SORL1: variants seen among roughly 807,000 people sequenced by gnomAD.
The protein encoded by SORL1 is sortilin related receptor 1.
A neutral mutation model predicts 273.7 loss-of-function variants in SORL1; 127 were observed. The observed-to-expected ratio is 0.46, with a 90% CI of 0.40 to 0.54. SORL1 has a LOEUF of 0.54. Ranked by LOEUF, SORL1 falls within the 20% of genes least tolerant of loss-of-function variation. The probability of loss-of-function intolerance (pLI) is 0.00; values close to 1 mark genes in which losing one functional copy is unlikely to be tolerated. For synonymous variants in SORL1, 1,031 were observed against 1,067.4 expected, an observed-to-expected ratio of 0.97 and a Z score of 0.66; for missense variants, 2,494 against 2,846.1, an observed-to-expected ratio of 0.88 and a Z score of 2.81.
intron 6 of SORL1, among the ~76,000 whole-genome samples, chr11:121,500,495 T>G (rs1366779690): frequency 6.6e-6 from 1 of 152,242 alleles, no homozygotes; most frequent in Non-Finnish European, 1.5e-5. Flanking sequence ...GAAGTTTTAC[T>G]GGGACACAGC....
chr11:121,476,291 GC>G (rs763244532), intron 2 of SORL1, among the ~76,000 whole-genome samples: 52 of 152,206 alleles, frequency 3.4e-4, no homozygotes, highest in Non-Finnish European at 2.5e-4. Flanking sequence ...CTCTCAGCCT[GC>G]ACAATTTCTG....
chr11:121,540,037 A>G (rs1372751276), intron 12 of SORL1, among the ~76,000 whole-genome samples: 4 of 152,258 alleles, frequency 2.6e-5, no homozygotes, highest in South Asian at 2.1e-4. Flanking sequence ...TACTATTCCA[A>G]CAGACTACTG....
At position 121,625,113 on chromosome 11, in the gene SORL1, C is replaced by T. The variant is rs1176608454; in HGVS notation, c.6200C>T (p.Ala2067Val). Residue 2067 changes from alanine (A) to valine (V), a missense_variant, in exon 46 of 48, where the codon GCC (alanine) becomes GTC (valine). Physicochemically the swap from Ala to Val is moderately conservative, Grantham distance 64. This residue lies in a region of SORL1 where 1,609 missense variants were observed against 1,816.4 expected (regional missense o/e 0.89). Coordinates refer to ENST00000260197, the MANE Select transcript of SORL1 (RefSeq NM_003105.6). ...TATGAGATACACATGTTTGATAGTG[C>T]CATGAATATCACAGCTTACCTTGGG... ...RGYEIHMFDS[A>V]MNITAYLGNT... 3 of 1,612,566 alleles carry T rather than the reference C, an allele frequency of 1.9e-6. No individual in the cohort carries two copies. In the South Asian group the frequency reaches 3.3e-5, roughly 18 times the overall value.
chr11:121,596,602 C>T lies in SORL1; in HGVS notation c.4519+830C>T, dbSNP rs1360207475. 1.3e-5 allele frequency among the ~76,000 whole-genome samples: 2 copies of T among 152,148 alleles called. No homozygotes were observed. Among genetic ancestry groups the T allele is most frequent in the Non-Finnish European group, 2.9e-5 (2 of 68,022 alleles). ...GGCTCGGGGATCCCTGCTTTGCGGG[C>T]CTCCCCTCCATCCAGTCTCCTGCTG... On this transcript the variant is annotated intron_variant, in intron 32 of 47. Transcript: ENST00000260197. The surrounding 1 kb of genome is among the most constrained non-coding windows in gnomAD (Gnocchi z 4.3).
intron 31 of SORL1, among the ~76,000 whole-genome samples, chr11:121,593,956 G>C (rs1863253900): frequency 6.6e-6 from 1 of 152,180 alleles, no homozygotes; most frequent in African/African-American, 2.4e-5. Context: ...GTGAGGTCTT[G>C]CTTGTCTTAA....
At chr11:121,507,226 C>G (rs1048567632) in intron 6 of SORL1, among the ~76,000 whole-genome samples, 1 of 152,132 alleles carries the variant, frequency 6.6e-6, no homozygotes, top group Non-Finnish European at 1.5e-5. Context: ...TTATCTTTGG[C>G]TTTCAGCAGT....
intron 24 of SORL1, 166 bp from the exon 25 acceptor site, chr11:121,577,115 C>A: frequency 1.8e-6 from 2 of 1,092,334 alleles, no homozygotes; most frequent in Non-Finnish European, 2.7e-6. Flanking sequence ...TGACTGGAAG[C>A]TGTTAAATGA....
intron 12 of SORL1, among the ~76,000 whole-genome samples, chr11:121,543,220 T>A (rs1372776924): frequency 1.3e-5 from 2 of 151,284 alleles, no homozygotes; most frequent in Non-Finnish European, 3.0e-5. Flanking sequence ...AAGAAAAAAA[T>A]TTCTCTTTTG....
chr11:121,471,901 G>T (rs1861175375), intron 2 of SORL1, among the ~76,000 whole-genome samples: 1 of 152,140 alleles, frequency 6.6e-6, no homozygotes, highest in Non-Finnish European at 1.5e-5. Context: ...GGCTAGACTT[G>T]TTTGGGGCAA....
chr11:121,520,413 G>GC (rs1227000300), intron 8 of SORL1, among the ~76,000 whole-genome samples: 2 of 152,196 alleles, frequency 1.3e-5, no homozygotes, highest in African/African-American at 4.8e-5. Flanking sequence ...AACACATGGA[G>GC]CAGATGAGTG....
chr11:121,558,600 C>G lies in SORL1; in HGVS notation c.2673C>G (p.Phe891Leu). ...TCCCCATTTTCGCTAGGGTGATGTT[C>G]TGGACAGACTGGGGAGACCTGAAGC... ...LVLVPQEGVMFWTDWGDLKPG... is the reference protein window; with the variant it reads ...LVLVPQEGVMLWTDWGDLKPG... Residue 891 changes from phenylalanine (F) to leucine (L), a missense_variant, in exon 20 of 48, where the codon TTC (phenylalanine) becomes TTG (leucine). Transcript: ENST00000260197. 1 of 1,614,076 alleles carries G rather than the reference C, an allele frequency of 6.2e-7. No homozygotes were observed. Among genetic ancestry groups the G allele is most frequent in the Non-Finnish European group, 8.5e-7 (1 of 1,179,998 alleles).
intron 1 of SORL1, among the ~76,000 whole-genome samples, chr11:121,457,636 C>T (rs1860928875): frequency 6.6e-6 from 1 of 151,982 alleles, no homozygotes; most frequent in Non-Finnish European, 1.5e-5. Context: ...TTTTTCCAGG[C>T]CAGGTGAGAA....
chr11:121,538,340 C>T (rs1215516460), intron 12 of SORL1, among the ~76,000 whole-genome samples: 1 of 152,138 alleles, frequency 6.6e-6, no homozygotes, highest in African/African-American at 2.4e-5. Flanking sequence ...CAGTGCTCTC[C>T]ACCCCCAAAC....
At chr11:121,618,105 G>C (rs2134943081) in intron 41 of SORL1, among the ~76,000 whole-genome samples, 1 of 152,308 alleles carries the variant, frequency 6.6e-6, no homozygotes, top group Non-Finnish European at 1.5e-5. Context: ...GTTGTAATGA[G>C]CCCTCCTAAA....
intron 30 of SORL1, 99 bp from the exon 31 acceptor site, chr11:121,590,902 A>T: frequency 7.5e-7 from 1 of 1,337,756 alleles, no homozygotes; most frequent in Non-Finnish European, 1.1e-6. Context: ...CAGCAGGTAC[A>T]GCTAAAACTG....
rs1863289400 is a variant in SORL1, at chr11:121,595,916, C to T, written c.4519+144C>T. ...AACCATGCTCTTACTGCATTCTCCA[C>T]AAGCGCTTTGCCACGTGCACCCATA... On this transcript the variant is annotated intron_variant, in intron 32 of 47. Transcript: ENST00000260197. This position sits in a 1 kb window ranked among gnomAD's most constrained non-coding sequence, Gnocchi z 5.1. 4 of 876,334 alleles carry T rather than the reference C, an allele frequency of 4.6e-6. No homozygotes were observed. Among genetic ancestry groups the T allele is most frequent in the Non-Finnish European group, 6.7e-6 (4 of 598,660 alleles). 54.3% of individuals were successfully genotyped at this position (876,334 alleles called of 1,614,324 possible). A position where few individuals can be genotyped will look rare whatever the true frequency, so the allele number is the denominator to read the frequency against.
intron 38 of SORL1, 35 bp downstream of exon 38, chr11:121,608,211 A>C (rs1390106056): frequency 5.2e-6 from 8 of 1,530,030 alleles, no homozygotes; most frequent in Non-Finnish European, 7.2e-6. Context: ...TTTAGAGAAA[A>C]TATTATACAA....
intron 1 of SORL1, among the ~76,000 whole-genome samples, chr11:121,453,755 G>A (rs1479754674): frequency 6.6e-6 from 1 of 152,244 alleles, no homozygotes; most frequent in Non-Finnish European, 1.5e-5. Context: ...TGTTGGTGAA[G>A]AAACTGAAGC....
chr11:121,615,180 T>C (rs1286158717), intron 41 of SORL1, 125 bp downstream of exon 41: 6 of 714,226 alleles, frequency 8.4e-6, no homozygotes, highest in Non-Finnish European at 1.3e-5. Context: ...CTCTTGGATA[T>C]AGGCCTTTCT....
Sources: allele counts gnomAD v4.1 joint callset (sites outside exome capture counted in the v4.1 genomes callset), GRCh38; gene constraint gnomAD v4.1.1; regional missense constraint gnomAD v4.1.1; non-coding constraint Gnocchi (gnomAD v3.1); transcripts MANE v1.5; gene names NCBI Gene and HGNC (gene_info 2026-07-23, HGNC 2026-07-21).